Variants in BLNK observed in about 807,000 individuals in gnomAD.
BLNK encodes B-cell linker protein.
In BLNK, 29 loss-of-function variants were observed where a neutral mutation model predicts 73.5. The ratio of observed to expected loss-of-function variants is 0.39; its 90% confidence interval spans 0.29 to 0.54. The LOEUF is 0.54. BLNK is among the 20% of genes least tolerant of loss of function. The pLI is 0.61. For missense variants in BLNK, 460 were observed against 562.8 expected (o/e 0.82, Z 1.85); for synonymous variants, 176 against 200.8 (o/e 0.88, Z 1.04).
At chr10:96,259,561 G>A (rs1429600681) in intron 1 of BLNK, among the ~76,000 whole-genome samples, 1 of 151,658 alleles carries the variant, frequency 6.6e-6, no homozygotes, top group East Asian at 1.9e-4. Flanking sequence ...GAGTGGAGGG[G>A]CTGTGTTCCC....
intron 11 of BLNK, chr10:96,205,409 A>G (rs2083771672): frequency 6.6e-6 from 1 of 152,234 alleles, no homozygotes; most frequent in Non-Finnish European, 1.5e-5. Flanking sequence ...CAAAGAAATA[A>G]AAGTAGTAAG....
intron 2 of BLNK, among the ~76,000 whole-genome samples, chr10:96,245,986 A>G (rs1028138635): frequency 4.3e-4 from 66 of 152,214 alleles, no homozygotes; most frequent in African/African-American, 1.5e-3. Flanking sequence ...AATCTGTATT[A>G]GTTTTATTTA....
rs782459899 is a variant in BLNK at position 96,207,005 on chromosome 10, T to G, written c.817+6A>C. On this transcript the variant is annotated splice_donor_region_variant and intron_variant, in intron 11 of 16. Transcript: ENST00000224337. ...CATGCTCATCCTTCAAAATAATAGA[T>G]TTTACCTTCACAAACACTTGAAGCA... The G allele has an allele frequency of 1.2e-6, 2 of 1,613,614 alleles. No individual in the cohort carries two copies. The highest frequency in any genetic ancestry group is 1.7e-5 in the Admixed American group (1 of 60,000).
chr10:96,244,601 G>T (rs1483725337), intron 2 of BLNK, among the ~76,000 whole-genome samples: 1 of 152,162 alleles, frequency 6.6e-6, no homozygotes, highest in Non-Finnish European at 1.5e-5. Flanking sequence ...CTCCGTTCAG[G>T]GTAGCACCTG....
At chr10:96,203,804 A>G (rs1444246761) in intron 13 of BLNK, 2 of 328,104 alleles carry the variant, frequency 6.1e-6, no homozygotes, top group Non-Finnish European at 1.1e-5. Flanking sequence ...AAGTTAAAAA[A>G]GGATGCATGA....
chr10:96,235,693 G>A (rs182941306), intron 3 of BLNK, among the ~76,000 whole-genome samples: 16 of 152,316 alleles, frequency 1.1e-4, no homozygotes, highest in South Asian at 2.1e-4. Flanking sequence ...CCATGTGCCC[G>A]AGGTGGGGCC....
Position 96,232,782 on chromosome 10 carries a change from A to G in BLNK, c.164-1948T>C, listed in dbSNP as rs192835791. Among the ~76,000 whole-genome samples, 51 of 151,784 alleles carry G rather than the reference A, an allele frequency of 3.4e-4. 3 individuals carry two copies. Among genetic ancestry groups the G allele is most frequent in the African/African-American group, 8.9e-4 (37 of 41,434 alleles). On this transcript the variant is annotated intron_variant, in intron 3 of 16. Coordinates refer to ENST00000224337, the MANE Select transcript of BLNK (RefSeq NM_013314.4). ...CCTCTTCCCAATATGATTACCTGGC[A>G]CAATGGGGGAGTATGTTTCTTTTTC...
At chr10:96,205,193 G>A in intron 11 of BLNK, 1 of 157,462 alleles carries the variant, frequency 6.4e-6, no homozygotes, top group East Asian at 1.8e-4. Flanking sequence ...GGAAAGGGTG[G>A]GAAATGAGCA....
intron 1 of BLNK, among the ~76,000 whole-genome samples, chr10:96,262,159 C>T (rs782647429): frequency 1.3e-5 from 2 of 152,166 alleles, no homozygotes; most frequent in Non-Finnish European, 2.9e-5. Flanking sequence ...CTCTCTGCCC[C>T]CTTGGTCTGA....
intron 8 of BLNK, among the ~76,000 whole-genome samples, chr10:96,210,777 G>T (rs181993367): frequency 6.6e-6 from 1 of 151,782 alleles, no homozygotes; most frequent in East Asian, 1.9e-4. Context: ...AGACCAAGGG[G>T]TCTCTTCATG....
At position 96,191,585 on chromosome 10, in the gene BLNK, A is replaced by G; in HGVS notation, c.*388T>C. ...CAAGACTTAATTGTCAAGCATTGGC[A>G]GTGGAGAGCCCAGCTACATTAGTGT... On this transcript the variant is annotated 3_prime_UTR_variant, in exon 17 of 17. Coordinates refer to ENST00000224337, the MANE Select transcript of BLNK (RefSeq NM_013314.4). 1 of 173,406 alleles carries G rather than the reference A, an allele frequency of 5.8e-6. No individual in the cohort carries two copies. Among genetic ancestry groups the G allele is most frequent in the Non-Finnish European group, 1.2e-5 (1 of 81,614 alleles). The allele number at this position is 173,406 out of a possible 1,614,324, so 10.7% of individuals were successfully genotyped here. A position where few individuals can be genotyped will look rare whatever the true frequency, so the allele number is the denominator to read the frequency against.
At chr10:96,207,490 C>G (rs908916829) in intron 10 of BLNK, among the ~76,000 whole-genome samples, 9 of 152,232 alleles carry the variant, frequency 5.9e-5, no homozygotes, top group African/African-American at 1.9e-4. Flanking sequence ...GGCCCAGGTT[C>G]ACCATGTTCT....
intron 8 of BLNK, chr10:96,210,164 C>T: frequency 1.9e-6 from 1 of 516,570 alleles, no homozygotes; most frequent in Admixed American, 3.0e-5. Flanking sequence ...TTCTAAAGGA[C>T]CTTCTCCTTA....
At chr10:96,229,225 C>T (rs587684613) in intron 4 of BLNK, among the ~76,000 whole-genome samples, 1 of 148,128 alleles carries the variant, frequency 6.8e-6, no homozygotes, top group Non-Finnish European at 1.5e-5. Context: ...TTCCCTCCCC[C>T]CACCTGCTGC....
At chr10:96,197,204 G>T in intron 15 of BLNK, 141 bp from the exon 16 acceptor site, 1 of 634,146 alleles carries the variant, frequency 1.6e-6, no homozygotes. Flanking sequence ...TTATTGATTA[G>T]CGCTTGTCTT....
At chr10:96,207,744 G>T in intron 10 of BLNK, 128 bp downstream of exon 10, 3 of 1,121,762 alleles carry the variant, frequency 2.7e-6, no homozygotes, top group East Asian at 2.5e-5. Flanking sequence ...TGGACTGCTT[G>T]GGCAGCAACT....
At chr10:96,253,181 T>C (rs985205312) in intron 1 of BLNK, among the ~76,000 whole-genome samples, 2 of 152,224 alleles carry the variant, frequency 1.3e-5, no homozygotes, top group Non-Finnish European at 2.9e-5. Flanking sequence ...AATCTGTGTG[T>C]TCCACTTACT....
At chr10:96,226,296 A>G (rs902074985) in intron 5 of BLNK, among the ~76,000 whole-genome samples, 15 of 152,238 alleles carry the variant, frequency 9.9e-5, no homozygotes, top group Admixed American at 2.6e-4. Flanking sequence ...GTTCTGGTGC[A>G]TGGCAGGTGC....
intron 5 of BLNK, among the ~76,000 whole-genome samples, chr10:96,225,521 C>G (rs1173059257): frequency 3.9e-5 from 6 of 152,174 alleles, no homozygotes; most frequent in Non-Finnish European, 8.8e-5. Context: ...GCCTATAACT[C>G]TTGTCAGTTT....
Sources: gnomAD v4.1 joint callset for allele counts (sites outside exome capture counted in the v4.1 genomes callset) on GRCh38, gnomAD v4.1.1 for gene constraint, MANE v1.5 for transcripts, NCBI Gene and HGNC (gene_info 2026-07-23, HGNC 2026-07-21) for gene names.